Variants in CPNE4 observed in about 807,000 individuals in gnomAD.
CPNE4 encodes the protein copine 4, also known as copine-4.
Under a neutral mutation model 67.9 loss-of-function variants are expected in CPNE4, and 25 were observed. That is an observed-to-expected ratio of 0.37 (90% CI 0.27 to 0.51). The LOEUF (loss-of-function observed/expected upper bound fraction) is 0.51. Ranked by LOEUF, CPNE4 falls within the 20% of genes least tolerant of loss-of-function variation. The pLI is 0.93. For synonymous variants in CPNE4, 242 were observed against 244.9 expected, an observed-to-expected ratio of 0.99 and a Z score of 0.11; for missense variants, 464 against 690.8, an observed-to-expected ratio of 0.67 and a Z score of 3.68.
chr3:131,839,236 A>G (rs936335360), intron 2 of CPNE4, among the ~76,000 whole-genome samples: 7 of 151,916 alleles, frequency 4.6e-5, no homozygotes, highest in Admixed American at 1.3e-4. Flanking sequence ...AATGGTGAAC[A>G]TTTTGAATAA....
intron 7 of CPNE4, among the ~76,000 whole-genome samples, chr3:131,635,038 C>T (rs745580641): frequency 6.6e-6 from 1 of 152,142 alleles, no homozygotes; most frequent in Non-Finnish European, 1.5e-5. Flanking sequence ...TGACTTATGG[C>T]TCAATCATAA....
At chr3:131,613,801 A>T (rs912163210) in intron 7 of CPNE4, among the ~76,000 whole-genome samples, 4 of 152,092 alleles carry the variant, frequency 2.6e-5, no homozygotes, top group Admixed American at 6.6e-5. Flanking sequence ...CAGGTCATTT[A>T]TTTGGCAGGT....
chr3:131,549,581 A>G (rs3762429), intron 14 of CPNE4, among the ~76,000 whole-genome samples: 25,669 of 152,146 alleles, frequency 0.17, 2,427 homozygotes, highest in African/African-American at 0.26. Context: ...TTCCATCTGT[A>G]GTATGGGTAC....
chr3:131,816,117 T>TG (rs1371851750), intron 2 of CPNE4, among the ~76,000 whole-genome samples: 1 of 152,128 alleles, frequency 6.6e-6, no homozygotes, highest in Admixed American at 6.5e-5. Flanking sequence ...ATAGAATACT[T>TG]GGAGTATGGA....
chr3:131,684,171 T>C (rs1215249024), intron 6 of CPNE4, among the ~76,000 whole-genome samples: 2 of 152,174 alleles, frequency 1.3e-5, no homozygotes, highest in East Asian at 3.9e-4. Flanking sequence ...TGTGTGTGTG[T>C]GGAGAGTTGT....
chr3:132,028,929 T>C (rs2074178250), intron 1 of CPNE4, among the ~76,000 whole-genome samples: 1 of 151,896 alleles, frequency 6.6e-6, no homozygotes, highest in Admixed American at 6.5e-5. Flanking sequence ...TTTTTCTTTT[T>C]TTTTTTTTTA....
chr3:131,848,937 G>A (rs577853761), intron 2 of CPNE4, among the ~76,000 whole-genome samples: 1 of 112,992 alleles, frequency 8.9e-6, no homozygotes, highest in Admixed American at 1.1e-4. Flanking sequence ...CCTCACTGGT[G>A]GAATGACAGT....
intron 2 of CPNE4, among the ~76,000 whole-genome samples, chr3:131,861,667 A>C (rs1056788576): frequency 1.3e-5 from 2 of 152,154 alleles, no homozygotes; most frequent in Non-Finnish European, 2.9e-5. Flanking sequence ...TCCTGACCTC[A>C]GGCGATCCAC....
intron 2 of CPNE4, among the ~76,000 whole-genome samples, chr3:131,753,430 CATAAAACA>C (rs2082678094): frequency 6.6e-6 from 1 of 152,064 alleles, no homozygotes; most frequent in African/African-American, 2.4e-5. Context: ...TATTTGGCTA[CATAAAACA>C]ATAAAACATC....
chr3:131,755,749 A>C (rs1200154482), intron 2 of CPNE4, among the ~76,000 whole-genome samples: 2 of 152,194 alleles, frequency 1.3e-5, no homozygotes, highest in African/African-American at 4.8e-5. Context: ...TACAAAGGCC[A>C]CTTGTCTACA....
chr3:131,719,927 C>A (rs1269940216), intron 3 of CPNE4, among the ~76,000 whole-genome samples: 1 of 152,220 alleles, frequency 6.6e-6, no homozygotes, highest in African/African-American at 2.4e-5. Flanking sequence ...CAAACTCTTG[C>A]AAGTGGGTGA....
intron 9 of CPNE4, among the ~76,000 whole-genome samples, chr3:131,580,490 ACG>A (rs1281492787): frequency 2.7e-5 from 4 of 149,702 alleles, no homozygotes; most frequent in African/African-American, 1.0e-4. Flanking sequence ...ACACACACAC[ACG>A]CACACACACA....
intron 2 of CPNE4, among the ~76,000 whole-genome samples, chr3:131,788,681 CAAT>C: frequency 6.6e-6 from 1 of 151,828 alleles, no homozygotes; most frequent in East Asian, 1.9e-4. Context: ...GATAAATATC[CAAT>C]AATAAGGGAA....
At chr3:131,878,028 T>A (rs970081850) in intron 2 of CPNE4, among the ~76,000 whole-genome samples, 2 of 152,240 alleles carry the variant, frequency 1.3e-5, no homozygotes, top group African/African-American at 2.4e-5. Context: ...TACATGCTAC[T>A]GCTGAGAGTG....
intron 9 of CPNE4, among the ~76,000 whole-genome samples, chr3:131,576,534 T>A (rs56163943): frequency 0.028 from 4,230 of 152,202 alleles, 65 homozygotes; most frequent in Middle Eastern, 0.051. Flanking sequence ...AGGATTTGAT[T>A]TGTACAGTTA....
intron 7 of CPNE4, among the ~76,000 whole-genome samples, chr3:131,596,512 C>T (rs1938868822): frequency 7.8e-6 from 1 of 128,436 alleles, no homozygotes; most frequent in African/African-American, 3.2e-5. Flanking sequence ...GTCCCAGCTA[C>T]TTGGGAGGCT....
At chr3:131,760,881 T>C (rs1185719695) in intron 2 of CPNE4, among the ~76,000 whole-genome samples, 1 of 152,118 alleles carries the variant, frequency 6.6e-6, no homozygotes, top group Non-Finnish European at 1.5e-5. Context: ...GTCAAAGGGA[T>C]GGCAAATGAG....
chr3:131,609,599 T>C (rs879528354), intron 7 of CPNE4, among the ~76,000 whole-genome samples: 6 of 152,172 alleles, frequency 3.9e-5, no homozygotes, highest in Admixed American at 2.6e-4. Flanking sequence ...AAGAAACACA[T>C]CTTCATTTTA....
chr3:131,653,867 C>T (rs1362866562), intron 7 of CPNE4, among the ~76,000 whole-genome samples: 1 of 152,140 alleles, frequency 6.6e-6, no homozygotes, highest in East Asian at 1.9e-4. Flanking sequence ...AATTTTGTGA[C>T]TGAAAAAGTC....
Sources: allele counts gnomAD v4.1 joint callset (sites outside exome capture counted in the v4.1 genomes callset), GRCh38; gene constraint gnomAD v4.1.1; transcripts MANE v1.5; gene names NCBI Gene and HGNC (gene_info 2026-07-23, HGNC 2026-07-21).